Variants in PPP2R2B observed in about 807,000 individuals in gnomAD.
PPP2R2B encodes protein phosphatase 2 regulatory subunit Bbeta.
Under a neutral mutation model 46.0 loss-of-function variants are expected in PPP2R2B, and 5 were observed. The observed-to-expected ratio is 0.11, with a 90% CI of 0.06 to 0.23. The LOEUF is 0.23. Ranked by LOEUF, PPP2R2B falls within the 10% of genes least tolerant of loss-of-function variation. The pLI is 1.00. For missense variants in PPP2R2B, 367 were observed against 575.0 expected, an observed-to-expected ratio of 0.64 and a Z score of 3.70; for synonymous variants, 215 against 206.7, an observed-to-expected ratio of 1.04 and a Z score of -0.34.
intron 2 of PPP2R2B, among the ~76,000 whole-genome samples, chr5:146,759,606 C>T (rs181045854): frequency 6.6e-6 from 1 of 152,306 alleles, no homozygotes; most frequent in Admixed American, 6.5e-5. Context: ...CTTGCCTCCA[C>T]CTTCCAAGTT....
In PPP2R2B at chr5:146,691,199, T is replaced by G; in HGVS notation, c.376A>C (p.Arg126=). Reference sequence around the variant, plus strand: ...TCTTTCAGATTGTAGCCTTCTGGCCTCTTATCACGCTCGCTGACTTTCCAC... The same window carrying G: ...TCTTTCAGATTGTAGCCTTCTGGCCGCTTATCACGCTCGCTGACTTTCCAC... The part of the protein sequence containing the change: ...KLWKVSERDK[R]PEGYNLKDEE... Residue 126 remains arginine, a synonymous_variant, in exon 5 of 10, where the codon AGG becomes CGG. Coordinates refer to ENST00000394411, the MANE Select transcript of PPP2R2B (RefSeq NM_181675.4). 1 of 1,614,182 alleles carries G rather than the reference T, an allele frequency of 6.2e-7. No homozygotes were observed. Among genetic ancestry groups the G allele is most frequent in the Non-Finnish European group, 8.5e-7 (1 of 1,180,038 alleles).
intron 1 of PPP2R2B, among the ~76,000 whole-genome samples, chr5:146,901,002 T>A (rs1025555326): frequency 2.0e-5 from 3 of 152,196 alleles, no homozygotes; most frequent in Admixed American, 6.5e-5. Flanking sequence ...ATGGTATATA[T>A]GTACCACATT....
At chr5:146,866,063 C>T (rs181372070) in intron 2 of PPP2R2B, among the ~76,000 whole-genome samples, 2 of 152,350 alleles carry the variant, frequency 1.3e-5, no homozygotes, top group African/African-American at 4.8e-5. Context: ...CACTAGAATA[C>T]AGCCATGTCC....
At chr5:146,859,162 G>A (rs1424758193) in intron 2 of PPP2R2B, among the ~76,000 whole-genome samples, 1 of 152,154 alleles carries the variant, frequency 6.6e-6, no homozygotes, top group Non-Finnish European at 1.5e-5. Flanking sequence ...TCATAGACAA[G>A]TTGATTAACT....
chr5:147,078,227 G>A (rs146116498), intron 2 of PPP2R2B, among the ~76,000 whole-genome samples: 23 of 152,072 alleles, frequency 1.5e-4, no homozygotes, highest in Non-Finnish European at 3.1e-4. Flanking sequence ...TACAAATATC[G>A]AGTACTTACA....
intron 2 of PPP2R2B, among the ~76,000 whole-genome samples, chr5:146,800,406 C>T (rs1004446715): frequency 1.3e-5 from 2 of 152,032 alleles, no homozygotes; most frequent in African/African-American, 4.8e-5. Context: ...ATTTCTTTTC[C>T]TCCTCAAGAC....
intron 1 of PPP2R2B, among the ~76,000 whole-genome samples, chr5:146,944,473 A>T (rs910576054): frequency 6.6e-6 from 1 of 152,222 alleles, no homozygotes; most frequent in Non-Finnish European, 1.5e-5. Flanking sequence ...AAATAACAGC[A>T]GCATTCTTAG....
intron 2 of PPP2R2B, among the ~76,000 whole-genome samples, chr5:146,786,924 T>C (rs1554136871): frequency 6.6e-6 from 1 of 152,258 alleles, no homozygotes; most frequent in Non-Finnish European, 1.5e-5. Flanking sequence ...TTGTTATCTA[T>C]GCTTATAATA....
intron 1 of PPP2R2B, among the ~76,000 whole-genome samples, chr5:146,907,463 A>C (rs771522018): frequency 1.5e-5 from 2 of 131,662 alleles, no homozygotes; most frequent in Non-Finnish European, 3.1e-5. Context: ...CAGGAGCCAA[A>C]GAAAGTGGAA....
At chr5:146,819,230 C>A (rs1295138824) in intron 2 of PPP2R2B, among the ~76,000 whole-genome samples, 5 of 152,318 alleles carry the variant, frequency 3.3e-5, no homozygotes, top group Admixed American at 2.6e-4. Flanking sequence ...TGCTCTCCTG[C>A]ATCTTCTGTG....
At chr5:146,890,477 G>A (rs549986464) in intron 1 of PPP2R2B, among the ~76,000 whole-genome samples, 124 of 152,320 alleles carry the variant, frequency 8.1e-4, no homozygotes, top group South Asian at 1.2e-3. Context: ...GAAACAGCAC[G>A]TGGTAAACTT....
chr5:147,034,972 G>T (rs1336986888), intron 1 of PPP2R2B, among the ~76,000 whole-genome samples: 1 of 152,048 alleles, frequency 6.6e-6, no homozygotes, highest in East Asian at 1.9e-4. Flanking sequence ...GGAGGTGTGG[G>T]GTGGGGGGAG....
intron 1 of PPP2R2B, among the ~76,000 whole-genome samples, chr5:146,987,083 C>A (rs1275140882): frequency 6.6e-6 from 1 of 152,028 alleles, no homozygotes; most frequent in African/African-American, 2.4e-5. Context: ...ACCTTATAGT[C>A]CAGAAGGGAG....
chr5:147,059,478 T>A (rs886678829), upstream of PPP2R2B, among the ~76,000 whole-genome samples: 1 of 151,880 alleles, frequency 6.6e-6, no homozygotes, highest in Non-Finnish European at 1.5e-5. Flanking sequence ...AGAGGAATGG[T>A]GTCATTATAA....
At chr5:146,709,302 G>A (rs1581925597) in intron 2 of PPP2R2B, among the ~76,000 whole-genome samples, 1 of 152,298 alleles carries the variant, frequency 6.6e-6, no homozygotes, top group African/African-American at 2.4e-5. Context: ...CTGCTTAAAT[G>A]TCAGTCTGAC....
At chr5:146,795,127 G>T (rs1004732298) in intron 2 of PPP2R2B, among the ~76,000 whole-genome samples, 1 of 152,032 alleles carries the variant, frequency 6.6e-6, no homozygotes, top group African/African-American at 2.4e-5. Context: ...ATAAAATGGG[G>T]CTGGTGAAAG....
chr5:146,720,679 T>A (rs901879193), intron 2 of PPP2R2B, among the ~76,000 whole-genome samples: 8 of 152,144 alleles, frequency 5.3e-5, no homozygotes, highest in Non-Finnish European at 1.2e-4. Flanking sequence ...TTACAGATAT[T>A]TATTAAGGTT....
At chr5:146,787,688 C>T (rs1348394052) in intron 2 of PPP2R2B, among the ~76,000 whole-genome samples, 1 of 152,142 alleles carries the variant, frequency 6.6e-6, no homozygotes, top group East Asian at 1.9e-4. Flanking sequence ...TTGCCTCAGC[C>T]TCCTGAGTAC....
chr5:146,608,707 C>A (rs960899149), intron 7 of PPP2R2B, among the ~76,000 whole-genome samples: 5 of 152,096 alleles, frequency 3.3e-5, no homozygotes, highest in African/African-American at 1.2e-4. Flanking sequence ...ATCGCTTGAA[C>A]CCAGGAGGCG....
Sources: gnomAD v4.1 joint callset for allele counts (sites outside exome capture counted in the v4.1 genomes callset) on GRCh38, gnomAD v4.1.1 for gene constraint, MANE v1.5 for transcripts, NCBI Gene and HGNC (gene_info 2026-07-23, HGNC 2026-07-21) for gene names.